The following KLHL4 variants were observed in gnomAD, a reference collection of about 807,000 sequenced individuals.
The protein encoded by KLHL4 is kelch-like protein 4.
KLHL4 carries 17 observed loss-of-function variants against 45.8 expected under a neutral mutation model. The ratio of observed to expected loss-of-function variants is 0.37; its 90% CI spans 0.25 to 0.56. The LOEUF (loss-of-function observed/expected upper bound fraction) is 0.56. Among genes scored for constraint, KLHL4 ranks in the 20% least tolerant of loss-of-function variants. KLHL4 has a pLI of 0.79. For missense variants in KLHL4, 544 were observed against 544.9 expected, an observed-to-expected ratio of 1.00 and a Z score of 0.02; for synonymous variants, 224 against 189.9, an observed-to-expected ratio of 1.18 and a Z score of -1.47.
At chrX:87,614,689 C>T in intron 3 of KLHL4, 119 bp downstream of exon 3, 5 of 585,736 alleles carry the variant, frequency 8.5e-6, no homozygotes, top group East Asian at 3.8e-5. Flanking sequence ...AGTAGTAATA[C>T]TGCTACTACA....
chrX:87,538,356 C>T (rs1186086489), intron 1 of KLHL4, among the ~76,000 whole-genome samples: 2 of 111,410 alleles, frequency 1.8e-5, no homozygotes, highest in Non-Finnish European at 3.8e-5. Context: ...GCCTAAATAT[C>T]TGAGTGTGAA....
At chrX:87,620,734 G>T (rs948146005) in intron 4 of KLHL4, among the ~76,000 whole-genome samples, 1 of 112,359 alleles carries the variant, frequency 8.9e-6, no homozygotes, top group Non-Finnish European at 1.9e-5. Context: ...GCTTATGCTT[G>T]AATCCAGACT....
chrX:87,670,047 C>T lies in KLHL4; in HGVS notation c.*3513C>T, dbSNP rs1467267917. 9.0e-6 allele frequency: 1 copy of T among 110,770 alleles called. No individual in the cohort carries two copies. Among genetic ancestry groups the T allele is most frequent in the Non-Finnish European group, 1.9e-5 (1 of 52,925 alleles). The allele number at this position is 110,770 out of a possible 1,213,427, so 9.1% of individuals were successfully genotyped here. ...AGTAATATTAATAAAAGTGTTAAAG[C>T]TTTTTCTCTCTTGACAATGCTTGCT... On this transcript the variant is annotated 3_prime_UTR_variant, in exon 11 of 11. Coordinates refer to ENST00000373119, the MANE Select transcript of KLHL4 (RefSeq NM_019117.5).
chrX:87,592,291 T>C (rs1487268147), intron 1 of KLHL4, among the ~76,000 whole-genome samples: 2 of 112,109 alleles, frequency 1.8e-5, no homozygotes, highest in Non-Finnish European at 3.8e-5. Context: ...TTTCAAATCT[T>C]GGCTATTGTG....
At chrX:87,612,557 T>G (rs73511949) in intron 1 of KLHL4, among the ~76,000 whole-genome samples, 125 of 112,003 alleles carry the variant, frequency 1.1e-3, no homozygotes, top group African/African-American at 4.0e-3. Flanking sequence ...TTCTCAGATG[T>G]ATCTCTGTTG....
At chrX:87,621,862 A>C (rs1469262235) in intron 4 of KLHL4, among the ~76,000 whole-genome samples, 1 of 111,723 alleles carries the variant, frequency 9.0e-6, no homozygotes, top group African/African-American at 3.3e-5. Context: ...GCTGAAGACC[A>C]ACCAGACAGT....
At chrX:87,553,648 A>G (rs747101016) in intron 1 of KLHL4, among the ~76,000 whole-genome samples, 1,184 of 76,657 alleles carry the variant, frequency 0.015, 13 homozygotes, top group African/African-American at 0.048. Context: ...ACACACACAC[A>G]TGTCACATTT....
chrX:87,623,354 G>C (rs1248337211), intron 5 of KLHL4, among the ~76,000 whole-genome samples: 3 of 98,071 alleles, frequency 3.1e-5, no homozygotes, highest in African/African-American at 1.1e-4. Flanking sequence ...AGTGCAGTGG[G>C]GCTATCTCGG....
intron 1 of KLHL4, among the ~76,000 whole-genome samples, chrX:87,524,302 T>C (rs1228643837): frequency 8.9e-6 from 1 of 112,163 alleles, no homozygotes; most frequent in Admixed American, 9.5e-5. Flanking sequence ...GTGACAGATA[T>C]GATAATTAGT....
At chrX:87,632,771 G>T (rs1261339437) in intron 7 of KLHL4, among the ~76,000 whole-genome samples, 3 of 111,695 alleles carry the variant, frequency 2.7e-5, no homozygotes, top group East Asian at 5.6e-4. Flanking sequence ...GCGAGGGATT[G>T]TGTTTCTAGT....
At chrX:87,557,079 CAT>C (rs1931995437) in intron 1 of KLHL4, among the ~76,000 whole-genome samples, 1 of 111,945 alleles carries the variant, frequency 8.9e-6, no homozygotes, top group Non-Finnish European at 1.9e-5. Flanking sequence ...GTCTACAAAA[CAT>C]GTAAAATTAT....
chrX:87,614,354 C>G, intron 2 of KLHL4, 80 bp from the exon 3 acceptor site: 2 of 976,073 alleles, frequency 2.0e-6, no homozygotes, highest in South Asian at 2.1e-5. Flanking sequence ...ACTAGTGTTA[C>G]AAACTTGCTG....
chrX:87,595,013 TTCTC>T (rs1207332503), intron 1 of KLHL4, among the ~76,000 whole-genome samples: 1 of 97,881 alleles, frequency 1.0e-5, no homozygotes, highest in East Asian at 3.2e-4. Flanking sequence ...TCCTCTACCC[TTCTC>T]TCTTTTTTTT....
intron 6 of KLHL4, among the ~76,000 whole-genome samples, chrX:87,626,562 T>A (rs1371538703): frequency 1.8e-5 from 2 of 109,945 alleles, no homozygotes; most frequent in African/African-American, 6.6e-5. Flanking sequence ...ACTGCCGTTG[T>A]GAAATTCAAC....
intron 9 of KLHL4, among the ~76,000 whole-genome samples, chrX:87,651,236 A>T (rs1486040603): frequency 9.0e-6 from 1 of 111,597 alleles, no homozygotes; most frequent in Non-Finnish European, 1.9e-5. Context: ...AACATGTAGG[A>T]ATCATGGAAG....
chrX:87,565,222 A>G (rs759365931), intron 1 of KLHL4, among the ~76,000 whole-genome samples: 1 of 103,878 alleles, frequency 9.6e-6, no homozygotes, highest in Non-Finnish European at 1.9e-5. Context: ...AAAATTTTAC[A>G]TTATAACCTA....
At chrX:87,640,440 A>T (rs1923414080) in intron 9 of KLHL4, among the ~76,000 whole-genome samples, 1 of 111,974 alleles carries the variant, frequency 8.9e-6, no homozygotes, top group African/African-American at 3.2e-5. Flanking sequence ...AAAAATTCTC[A>T]ACACAATACT....
At chrX:87,555,365 G>A (rs1368409393) in intron 1 of KLHL4, among the ~76,000 whole-genome samples, 1 of 110,869 alleles carries the variant, frequency 9.0e-6, no homozygotes, top group Non-Finnish European at 1.9e-5. Context: ...TTTTTGGTTG[G>A]TAAGCTATTG....
intron 1 of KLHL4, among the ~76,000 whole-genome samples, chrX:87,585,696 G>A (rs1921449068): frequency 9.0e-6 from 1 of 110,668 alleles, no homozygotes; most frequent in African/African-American, 3.3e-5. Flanking sequence ...CAGGAAGAAA[G>A]GAAATAAGGA....
Sources: gnomAD v4.1 joint callset for allele counts (sites outside exome capture counted in the v4.1 genomes callset) on GRCh38, gnomAD v4.1.1 for gene constraint, MANE v1.5 for transcripts, NCBI Gene and HGNC (gene_info 2026-07-23, HGNC 2026-07-21) for gene names.